CCND3: variants seen among roughly 807,000 people sequenced by gnomAD.
CCND3 encodes G1/S-specific cyclin-D3.
CCND3 carries 9 observed loss-of-function variants against 28.7 expected under a neutral mutation model. That is an observed-to-expected ratio of 0.31 (90% CI 0.19 to 0.55). The LOEUF (loss-of-function observed/expected upper bound fraction) is 0.55, where lower values mean the gene tolerates loss of function less well. CCND3 is among the 20% of genes least tolerant of loss of function. CCND3 has a pLI of 0.93. For missense variants in CCND3, 315 were observed against 385.8 expected (o/e 0.82, Z 1.54); for synonymous variants, 164 against 163.9 (o/e 1.00, Z 0.00).
intron 1 of CCND3, among the ~76,000 whole-genome samples, chr6:41,956,518 T>A (rs533844008): frequency 6.6e-6 from 1 of 152,280 alleles, no homozygotes; most frequent in East Asian, 1.9e-4. Context: ...GCTTGCAACT[T>A]ACACATGTTT....
intron 1 of CCND3, among the ~76,000 whole-genome samples, chr6:41,965,594 A>C (rs1327139703): frequency 6.6e-6 from 1 of 152,142 alleles, no homozygotes; most frequent in African/African-American, 2.4e-5. Flanking sequence ...GAACATCCAC[A>C]TTTAAGGGGT....
At chr6:42,044,792 T>TTTATTTATTTATTTA (rs1764484431) in intron 1 of CCND3, among the ~76,000 whole-genome samples, 2 of 149,782 alleles carry the variant, frequency 1.3e-5, no homozygotes, top group Non-Finnish European at 3.0e-5. Flanking sequence ...CTTTTATTTA[T>TTTATTTATTTATTTA]TTATTTATTT....
At chr6:41,984,329 A>G (rs1762420746) in intron 1 of CCND3, among the ~76,000 whole-genome samples, 1 of 151,976 alleles carries the variant, frequency 6.6e-6, no homozygotes, top group South Asian at 2.1e-4. Context: ...GCTGGATCAT[A>G]TGGTAGTTCT....
chr6:41,951,350 C>A (rs975150432), intron 1 of CCND3, among the ~76,000 whole-genome samples: 1 of 151,486 alleles, frequency 6.6e-6, no homozygotes, highest in Non-Finnish European at 1.5e-5. Context: ...GTCAAGAGAT[C>A]GAGACCAACC....
chr6:42,020,112 A>G (rs1409256969), intron 1 of CCND3, among the ~76,000 whole-genome samples: 1 of 152,148 alleles, frequency 6.6e-6, no homozygotes, highest in Non-Finnish European at 1.5e-5. Flanking sequence ...TCCCGTCTCT[A>G]CTAAAAATGC....
chr6:41,940,279 G>A (rs998670461), intron 2 of CCND3, 91 bp downstream of exon 2: 8 of 1,160,382 alleles, frequency 6.9e-6, no homozygotes, highest in Admixed American at 3.4e-5. Context: ...TCCTCTCCAG[G>A]GGGCAGAAAG....
intron 1 of CCND3, among the ~76,000 whole-genome samples, chr6:42,027,475 C>T (rs1763912232): frequency 6.6e-6 from 1 of 152,034 alleles, no homozygotes; most frequent in Non-Finnish European, 1.5e-5. Flanking sequence ...GACTCCACCC[C>T]CACCTAATGC....
chr6:42,001,645 G>A (rs1326743463), intron 1 of CCND3, among the ~76,000 whole-genome samples: 1 of 152,170 alleles, frequency 6.6e-6, no homozygotes, highest in Non-Finnish European at 1.5e-5. Flanking sequence ...GGGTGGCTGA[G>A]GTAGAAGGAT....
rs184655712 is a variant in CCND3 at position 41,956,825 on chromosome 6, G to A, written c.-45-16240C>T. Among the ~76,000 whole-genome samples the A allele has an allele frequency of 3.6e-3, 539 of 151,752 alleles. 6 individuals carry two copies. Among genetic ancestry groups the A allele is most frequent in the African/African-American group, 0.012 (510 of 41,374 alleles). On this transcript the variant is annotated intron_variant, in intron 1 of 4. Transcript: ENST00000372988. The stretch of plus-strand genomic sequence containing the variant: ...GGGCGGATCACGAGGTGGGGAGATC[G>A]AGACCATCCTGGCTAACACAGTGAA...
At chr6:41,968,172 A>G (rs563862111) in intron 1 of CCND3, among the ~76,000 whole-genome samples, 12 of 152,306 alleles carry the variant, frequency 7.9e-5, no homozygotes. Context: ...AGTGTCATCA[A>G]TTCAATGAAT....
chr6:41,951,304 C>G (rs1469645320), intron 1 of CCND3, among the ~76,000 whole-genome samples: 1 of 151,376 alleles, frequency 6.6e-6, no homozygotes, highest in Non-Finnish European at 1.5e-5. Flanking sequence ...GCCTGTAATC[C>G]CAGCACTTTG....
chr6:42,011,884 G>A (rs1287118611), intron 1 of CCND3, among the ~76,000 whole-genome samples: 1 of 152,138 alleles, frequency 6.6e-6, no homozygotes, highest in Admixed American at 6.6e-5. Flanking sequence ...AAATACACCA[G>A]GAAAATGTCA....
At chr6:41,985,090 A>G (rs116289676) in intron 1 of CCND3, among the ~76,000 whole-genome samples, 2,477 of 152,178 alleles carry the variant, frequency 0.016, 41 homozygotes, top group South Asian at 0.039. Context: ...ATTTTCTCAC[A>G]TTCTGTAGGT....
intron 1 of CCND3, among the ~76,000 whole-genome samples, chr6:42,019,636 A>AG (rs1411105609): frequency 6.6e-6 from 1 of 152,232 alleles, no homozygotes; most frequent in African/African-American, 2.4e-5. Flanking sequence ...TTGTAGGCAC[A>AG]GAAAAAAAGG....
At position 42,027,426 on chromosome 6, in the gene CCND3, C is replaced by T. The variant is rs143434025; in HGVS notation, c.-46+21075G>A. On this transcript the variant is annotated intron_variant, in intron 1 of 4. Transcript: ENST00000372988. Reference sequence around the variant, plus strand: ...CTGCACTCCAGCCTGAGTGAGAGAGCGAGGCTCCATCTCAAAAAAAAAAAA... The same window carrying T: ...CTGCACTCCAGCCTGAGTGAGAGAGTGAGGCTCCATCTCAAAAAAAAAAAA... Among the ~76,000 whole-genome samples the T allele has an allele frequency of 4.1e-4, 54 of 131,474 alleles. 3 individuals are homozygous for T. In the East Asian group the frequency reaches 0.012, roughly 29 times the overall value. The allele number at this position is 131,474 out of a possible 152,430, so 86.3% of individuals were successfully genotyped here. A position where few individuals can be genotyped will look rare whatever the true frequency, so the allele number is the denominator to read the frequency against.
At chr6:42,010,244 C>T (rs542235569) in intron 1 of CCND3, among the ~76,000 whole-genome samples, 1 of 152,208 alleles carries the variant, frequency 6.6e-6, no homozygotes, top group African/African-American at 2.4e-5. Flanking sequence ...CATCTCTTCA[C>T]ACGCCCCCCA....
rs546284047 is a variant in CCND3 at position 42,014,292 on chromosome 6, C to T, written c.-46+34209G>A. Among the ~76,000 whole-genome samples, 62 of 151,960 alleles carry T rather than the reference C, an allele frequency of 4.1e-4. No homozygotes were observed. In the South Asian group the frequency reaches 0.013, roughly 31 times the overall value. On this transcript the variant is annotated intron_variant, in intron 1 of 4. Transcript: ENST00000372988. ...TGAGGCAGGAGAATGGCGTGAACCC[C>T]GGGGGGCGGAGCCTGCAGTGAGCCG...
intron 1 of CCND3, among the ~76,000 whole-genome samples, chr6:42,038,034 A>T (rs1764277761): frequency 6.6e-6 from 1 of 150,554 alleles, no homozygotes; most frequent in African/African-American, 2.4e-5. Context: ...CGGTCTCAAA[A>T]AAAAAAAAAA....
chr6:41,974,852 G>A (rs925587497), intron 1 of CCND3, among the ~76,000 whole-genome samples: 14 of 139,676 alleles, frequency 1.0e-4, no homozygotes, highest in Non-Finnish European at 1.5e-4. Context: ...GAGTACAATG[G>A]CGCCATCTTG....
Sources: allele counts gnomAD v4.1 joint callset (sites outside exome capture counted in the v4.1 genomes callset), GRCh38; gene constraint gnomAD v4.1.1; transcripts MANE v1.5; gene names NCBI Gene and HGNC (gene_info 2026-07-23, HGNC 2026-07-21).